The following PRKN variants were observed in gnomAD, a reference collection of about 807,000 sequenced individuals.
The protein encoded by PRKN is parkin RBR E3 ubiquitin protein ligase, also known as E3 ubiquitin-protein ligase parkin.
In PRKN, 56 loss-of-function variants were observed where a neutral mutation model predicts 59.5. The ratio of observed to expected loss-of-function variants is 0.94; its 90% CI spans 0.76 to 1.18. The LOEUF (loss-of-function observed/expected upper bound fraction) is 1.18. PRKN is among the 50% of genes most tolerant of loss of function. PRKN has a pLI of 0.00. For missense variants in PRKN, 657 were observed against 596.4 expected (o/e 1.10, Z -1.06); for synonymous variants, 250 against 222.1 (o/e 1.13, Z -1.12).
chr6:162,123,498 T>A (rs1021096076), intron 4 of PRKN, among the ~76,000 whole-genome samples: 1 of 152,228 alleles, frequency 6.6e-6, no homozygotes, highest in Non-Finnish European at 1.5e-5. Flanking sequence ...TAGTTACTTA[T>A]ATGTTTGTAA....
intron 2 of PRKN, among the ~76,000 whole-genome samples, chr6:162,436,402 G>A (rs1789774419): frequency 6.7e-6 from 1 of 149,696 alleles, no homozygotes; most frequent in Non-Finnish European, 1.5e-5. Flanking sequence ...GCGCAATCTT[G>A]GCTCACTGCC....
intron 2 of PRKN, among the ~76,000 whole-genome samples, chr6:162,415,396 C>T (rs960195596): frequency 1.3e-5 from 2 of 152,096 alleles, no homozygotes; most frequent in African/African-American, 4.8e-5. Context: ...CTGAAATTGC[C>T]AAATCTTCAA....
At chr6:162,339,204 G>A (rs1182718570) in intron 2 of PRKN, among the ~76,000 whole-genome samples, 4 of 148,326 alleles carry the variant, frequency 2.7e-5, no homozygotes, top group South Asian at 4.3e-4. Context: ...AGTGAGGAGC[G>A]TCTCCGCCCG....
At chr6:161,997,172 G>A (rs997467782) in intron 5 of PRKN, among the ~76,000 whole-genome samples, 1 of 152,074 alleles carries the variant, frequency 6.6e-6, no homozygotes, top group African/African-American at 2.4e-5. Context: ...TGCATTAAAT[G>A]AAGTTATTTT....
At chr6:161,911,639 T>C (rs1778365186) in intron 6 of PRKN, among the ~76,000 whole-genome samples, 1 of 151,834 alleles carries the variant, frequency 6.6e-6, no homozygotes, top group Non-Finnish European at 1.5e-5. Context: ...TGGAGGAAAA[T>C]GGAAGGAGAA....
intron 7 of PRKN, among the ~76,000 whole-genome samples, chr6:161,734,926 C>T (rs540454649): frequency 6.6e-6 from 1 of 151,850 alleles, no homozygotes; most frequent in Non-Finnish European, 1.5e-5. Context: ...CTAATAATTT[C>T]CTTTTAATTA....
chr6:162,213,437 G>A (rs1222703199), intron 3 of PRKN, among the ~76,000 whole-genome samples: 1 of 151,526 alleles, frequency 6.6e-6, no homozygotes, highest in African/African-American at 2.5e-5. Context: ...GCTCACAATA[G>A]TAAAACGATG....
intron 1 of PRKN, among the ~76,000 whole-genome samples, chr6:162,498,384 CTT>C (rs1009754001): frequency 1.1e-4 from 2 of 18,560 alleles, no homozygotes; most frequent in African/African-American, 3.6e-4. Context: ...CATTTTTTTT[CTT>C]TCTTTCCTTT....
intron 7 of PRKN, among the ~76,000 whole-genome samples, chr6:161,666,699 G>A (rs1784739629): frequency 6.6e-6 from 1 of 152,110 alleles, no homozygotes. Context: ...TTAAAGAAAA[G>A]GAAAAAATAA....
intron 1 of PRKN, among the ~76,000 whole-genome samples, chr6:162,570,240 C>T (rs934306581): frequency 1.3e-5 from 2 of 152,074 alleles, no homozygotes; most frequent in Non-Finnish European, 2.9e-5. Context: ...AAAGGCGAAT[C>T]AAAACTACAA....
At position 161,860,628 on chromosome 6, in the gene PRKN, T is replaced by C. The variant is rs549899370; in HGVS notation, c.735-74720A>G. ...CTTGTAAATTTGTTGAAGTTCCTTG[T>C]AGATTCTGGATATTAGACTTTTGTC... On this transcript the variant is annotated intron_variant, in intron 6 of 11. Transcript: ENST00000366898. Among the ~76,000 whole-genome samples the C allele has an allele frequency of 1.1e-4, 17 of 152,288 alleles. No homozygotes were observed. In the East Asian group the frequency reaches 3.3e-3, roughly 29 times the overall value.
intron 4 of PRKN, among the ~76,000 whole-genome samples, chr6:162,192,633 A>AT (rs138189207): frequency 0.011 from 1,621 of 146,586 alleles, 41 homozygotes; most frequent in African/African-American, 0.038. Context: ...TTTTTTTTCT[A>AT]TTTTTTGTAG....
At chr6:162,021,738 G>A (rs1783211647) in intron 5 of PRKN, among the ~76,000 whole-genome samples, 1 of 152,098 alleles carries the variant, frequency 6.6e-6, no homozygotes, top group South Asian at 2.1e-4. Context: ...GTGCAGTTTT[G>A]TACATGGGTA....
intron 1 of PRKN, among the ~76,000 whole-genome samples, chr6:162,556,996 T>A (rs1049138315): frequency 2.0e-5 from 3 of 152,118 alleles, no homozygotes; most frequent in Admixed American, 6.5e-5. Context: ...CAATTAGATG[T>A]GTATCTTTTA....
intron 5 of PRKN, among the ~76,000 whole-genome samples, chr6:162,013,478 G>T (rs909276018): frequency 6.6e-6 from 1 of 152,124 alleles, no homozygotes; most frequent in African/African-American, 2.4e-5. Context: ...TTCAGAAACT[G>T]AGTGCCAGGT....
chr6:161,855,715 G>C (rs907726317), intron 6 of PRKN, among the ~76,000 whole-genome samples: 5 of 151,942 alleles, frequency 3.3e-5, no homozygotes, highest in African/African-American at 1.2e-4. Context: ...TATACCTGTT[G>C]CTTCAAATAA....
intron 4 of PRKN, among the ~76,000 whole-genome samples, chr6:162,077,779 C>T (rs1778889255): frequency 6.6e-6 from 1 of 151,906 alleles, no homozygotes; most frequent in Non-Finnish European, 1.5e-5. Context: ...GCGGGTGGAT[C>T]ACCTGAGATC....
chr6:162,115,532 A>G, intron 4 of PRKN, among the ~76,000 whole-genome samples: 1 of 147,292 alleles, frequency 6.8e-6, no homozygotes, highest in South Asian at 2.1e-4. Context: ...ATAAATAAAT[A>G]AAAATTTGAC....
At chr6:162,577,548 G>A (rs971462843) in intron 1 of PRKN, among the ~76,000 whole-genome samples, 15 of 151,616 alleles carry the variant, frequency 9.9e-5, no homozygotes, top group South Asian at 2.1e-4. Context: ...TGCAGTAAGC[G>A]GAGATCACAC....
Sources: allele counts gnomAD v4.1 joint callset (sites outside exome capture counted in the v4.1 genomes callset), GRCh38; gene constraint gnomAD v4.1.1; transcripts MANE v1.5; gene names NCBI Gene and HGNC (gene_info 2026-07-23, HGNC 2026-07-21).